The following CACNA2D3 variants were observed in gnomAD, a reference collection of about 807,000 sequenced individuals.
CACNA2D3 encodes voltage-dependent calcium channel subunit alpha-2/delta-3.
A neutral mutation model predicts 160.6 loss-of-function variants in CACNA2D3; 60 were observed. The observed-to-expected ratio is 0.37, with a 90% CI of 0.30 to 0.46. CACNA2D3 has a LOEUF of 0.46. Among genes scored for constraint, CACNA2D3 ranks in the 20% least tolerant of loss-of-function variants. CACNA2D3 has a pLI of 1.00. For synonymous variants in CACNA2D3, 558 were observed against 492.9 expected (o/e 1.13, Z -1.75); for missense variants, 1,205 against 1,365.0 (o/e 0.88, Z 1.85).
At chr3:54,916,411 G>A (rs946733659) in intron 27 of CACNA2D3, among the ~76,000 whole-genome samples, 1 of 152,182 alleles carries the variant, frequency 6.6e-6, no homozygotes, top group Non-Finnish European at 1.5e-5. Context: ...ATGGAGAGGA[G>A]GTGCCAGGGC....
chr3:54,177,886 G>A (rs1476623428), intron 2 of CACNA2D3: 1 of 152,018 alleles, frequency 6.6e-6, no homozygotes, highest in East Asian at 1.9e-4. Context: ...CTGTGAAATC[G>A]GTAGAAAATG....
chr3:54,767,146 A>G (rs985667323), intron 13 of CACNA2D3, among the ~76,000 whole-genome samples: 1 of 152,004 alleles, frequency 6.6e-6, no homozygotes, highest in Admixed American at 6.6e-5. Flanking sequence ...TTGAAAGCAT[A>G]TGAATGTTCT....
Position 55,067,105 on chromosome 3 carries a change from G to GGT in CACNA2D3, c.2988-6339_2988-6338insTG, listed in dbSNP as rs370564680. Among the ~76,000 whole-genome samples, 3 of 151,762 alleles carry GGT rather than the reference G, an allele frequency of 2.0e-5. No homozygotes were observed. The South Asian group carries it at 6.3e-4, about 32-fold the overall frequency. On this transcript the variant is annotated intron_variant, in intron 35 of 37. Coordinates refer to ENST00000474759, the MANE Select transcript of CACNA2D3 (RefSeq NM_018398.3). ...TCCGCTGGCAATCTTTTGTAGCGGG[G>GGT]GGGGCTTTTCTCCTCTCAGTGTAGC...
At chr3:54,346,870 T>G (rs895972650) in intron 3 of CACNA2D3, among the ~76,000 whole-genome samples, 1 of 152,236 alleles carries the variant, frequency 6.6e-6, no homozygotes, top group Non-Finnish European at 1.5e-5. Flanking sequence ...TCTATAGTTT[T>G]GCTTTTTCCC....
chr3:54,486,287 A>G (rs1701014622), intron 4 of CACNA2D3, among the ~76,000 whole-genome samples: 1 of 152,134 alleles, frequency 6.6e-6, no homozygotes, highest in South Asian at 2.1e-4. Flanking sequence ...GCACTTCCAT[A>G]TCTTAAGATA....
intron 27 of CACNA2D3, among the ~76,000 whole-genome samples, chr3:54,964,962 C>A (rs992269516): frequency 1.3e-5 from 2 of 152,098 alleles, no homozygotes; most frequent in Non-Finnish European, 2.9e-5. Context: ...ACTTCCTCTG[C>A]GAGCTTTCAG....
At chr3:54,543,688 T>C (rs561465345) in intron 5 of CACNA2D3, among the ~76,000 whole-genome samples, 2 of 152,342 alleles carry the variant, frequency 1.3e-5, no homozygotes, top group South Asian at 4.1e-4. Flanking sequence ...AGGACCCCAC[T>C]GAGGAATAGT....
chr3:54,397,252 C>A (rs1699372902), intron 4 of CACNA2D3, among the ~76,000 whole-genome samples: 1 of 17,614 alleles, frequency 5.7e-5, no homozygotes, highest in Non-Finnish European at 1.1e-4. Context: ...TTTTGTTGAT[C>A]CTTTCAAAAA....
chr3:54,717,600 T>C (rs1701076132), intron 11 of CACNA2D3, among the ~76,000 whole-genome samples: 3 of 135,614 alleles, frequency 2.2e-5, no homozygotes, highest in South Asian at 4.9e-4. Flanking sequence ...GTGCATACAT[T>C]CGTGTGTGTG....
intron 17 of CACNA2D3, among the ~76,000 whole-genome samples, chr3:54,849,605 AG>A (rs745989461): frequency 6.6e-6 from 1 of 152,336 alleles, no homozygotes; most frequent in East Asian, 1.9e-4. Flanking sequence ...AGCTGCTAGC[AG>A]CTTCTCTGGC....
intron 35 of CACNA2D3, among the ~76,000 whole-genome samples, chr3:55,072,643 G>T (rs1704837200): frequency 1.3e-5 from 2 of 152,208 alleles, no homozygotes; most frequent in African/African-American, 4.8e-5. Flanking sequence ...AGCTAATCTG[G>T]TTCTGGAAGA....
chr3:55,048,479 G>T (rs201191881), intron 35 of CACNA2D3, among the ~76,000 whole-genome samples: 4 of 109,680 alleles, frequency 3.6e-5, no homozygotes, highest in South Asian at 3.5e-4. Flanking sequence ...ATAAGCTTTT[G>T]GATGTGCTGC....
intron 4 of CACNA2D3, among the ~76,000 whole-genome samples, chr3:54,497,743 A>T (rs1378849592): frequency 6.6e-6 from 1 of 151,944 alleles, no homozygotes; most frequent in African/African-American, 2.4e-5. Flanking sequence ...TTTTTTTGTA[A>T]ATCCTTTTCA....
intron 11 of CACNA2D3, among the ~76,000 whole-genome samples, chr3:54,728,371 T>C (rs59465901): frequency 9.2e-5 from 14 of 152,186 alleles, no homozygotes; most frequent in African/African-American, 2.4e-4. Flanking sequence ...TAAATAGATA[T>C]GATGAATTCT....
intron 11 of CACNA2D3, among the ~76,000 whole-genome samples, chr3:54,678,720 C>CAAAAAAAAAAAAAAAAAAAAAAAAA (rs71096434): frequency 2.2e-5 from 1 of 45,918 alleles, no homozygotes; most frequent in Non-Finnish European, 3.5e-5. Flanking sequence ...GACTCGGTCT[C>CAAAAAAAAAAAAAAAAAAAAAAAAA]AAAAAAAAAA....
intron 2 of CACNA2D3, among the ~76,000 whole-genome samples, chr3:54,207,076 C>A (rs186816117): frequency 5.9e-4 from 90 of 152,286 alleles, no homozygotes; most frequent in African/African-American, 2.0e-3. Flanking sequence ...CTTCTGCTGC[C>A]ACTCACTGGC....
chr3:54,423,387 G>A (rs1699866695), intron 4 of CACNA2D3, among the ~76,000 whole-genome samples: 1 of 152,124 alleles, frequency 6.6e-6, no homozygotes, highest in South Asian at 2.1e-4. Flanking sequence ...TTTAATTTAA[G>A]CCTCAGGATC....
At chr3:54,367,607 C>T (rs944373758) in intron 3 of CACNA2D3, 1 of 374,238 alleles carries the variant, frequency 2.7e-6, no homozygotes, top group Non-Finnish European at 5.4e-6. Context: ...GAAGCACAGC[C>T]TTACAGGGGC....
chr3:54,834,406 T>G (rs1261094398), intron 14 of CACNA2D3, among the ~76,000 whole-genome samples: 2 of 152,214 alleles, frequency 1.3e-5, no homozygotes, highest in Non-Finnish European at 2.9e-5. Context: ...AAGAGAACTA[T>G]TTACCATGGG....
Sources: gnomAD v4.1 joint callset for allele counts (sites outside exome capture counted in the v4.1 genomes callset) on GRCh38, gnomAD v4.1.1 for gene constraint, MANE v1.5 for transcripts, NCBI Gene and HGNC (gene_info 2026-07-23, HGNC 2026-07-21) for gene names.